The following MTMR7 variants were observed in gnomAD, a reference collection of about 807,000 sequenced individuals.
MTMR7 encodes phosphatidylinositol-3-phosphate phosphatase MTMR7.
In MTMR7, 76 loss-of-function variants were observed where a neutral mutation model predicts 81.2. The ratio of observed to expected loss-of-function variants is 0.94; its 90% CI spans 0.78 to 1.13. MTMR7 has a LOEUF of 1.13. Among genes scored for constraint, MTMR7 ranks in the 50% most tolerant of loss-of-function variants. The pLI is 0.00. For missense variants in MTMR7, 1,044 were observed against 820.0 expected (o/e 1.27, Z -3.34); for synonymous variants, 372 against 289.8 (o/e 1.28, Z -2.88).
intron 5 of MTMR7, 47 bp downstream of exon 5, chr8:17,348,906 A>T: frequency 6.2e-7 from 1 of 1,610,558 alleles, no homozygotes; most frequent in Non-Finnish European, 8.5e-7. Flanking sequence ...TGCTTATGAT[A>T]AACTAGAAAA....
intron 3 of MTMR7, among the ~76,000 whole-genome samples, chr8:17,368,654 C>CTA (rs1383897274): frequency 1.3e-5 from 2 of 152,180 alleles, no homozygotes; most frequent in Non-Finnish European, 2.9e-5. Flanking sequence ...AAGTTACAGC[C>CTA]TATAATATGC....
chr8:17,380,082 C>G (rs1226937611), intron 1 of MTMR7, among the ~76,000 whole-genome samples: 1 of 152,106 alleles, frequency 6.6e-6, no homozygotes, highest in Non-Finnish European at 1.5e-5. Context: ...AATTCAGCAG[C>G]AAATGATTAT....
chr8:17,400,968 T>A (rs1030374780), intron 1 of MTMR7, among the ~76,000 whole-genome samples: 2 of 152,166 alleles, frequency 1.3e-5, no homozygotes, highest in African/African-American at 4.8e-5. Context: ...TGGTCTTGCA[T>A]GGAGGCTTGG....
intron 7 of MTMR7, among the ~76,000 whole-genome samples, chr8:17,318,282 G>A (rs892833216): frequency 3.8e-4 from 58 of 152,232 alleles, no homozygotes; most frequent in African/African-American, 1.3e-3. Context: ...CCCAGCAGAC[G>A]TACACCAAAT....
At chr8:17,363,883 G>C (rs1820133505) in intron 3 of MTMR7, among the ~76,000 whole-genome samples, 2 of 147,180 alleles carry the variant, frequency 1.4e-5, no homozygotes, top group South Asian at 2.1e-4. Flanking sequence ...AGAATGTTTA[G>C]CAATTAGCTG....
chr8:17,409,793 G>C (rs1395228312), intron 1 of MTMR7, among the ~76,000 whole-genome samples: 3 of 152,176 alleles, frequency 2.0e-5, no homozygotes, highest in African/African-American at 7.2e-5. Flanking sequence ...TTTGAAACTA[G>C]AAAGATGAGG....
intron 13 of MTMR7, chr8:17,301,584 A>C (rs111736410): frequency 6.6e-6 from 1 of 152,450 alleles, no homozygotes; most frequent in African/African-American, 2.4e-5. Context: ...AAAGAGCCAG[A>C]CTGCTAGAAT....
Position 17,300,071 on chromosome 8 carries a change from G to A in MTMR7, c.1774C>T (p.Arg592Trp), listed in dbSNP as rs140365611. The A allele has an allele frequency of 4.3e-5, 70 of 1,613,976 alleles. No homozygotes were observed. Among genetic ancestry groups the A allele is most frequent in the Admixed American group, 2.0e-4 (12 of 59,986 alleles). Residue 592 changes from arginine to tryptophan, a missense_variant, in exon 14 of 14, where the codon CGG becomes TGG. By Grantham distance (101) the Arg-to-Trp change is moderately radical. Transcript: ENST00000180173. The stretch of plus-strand genomic sequence containing the variant: ...TCTTCATCGCCTTGTGAAGGGCTCC[G>A]GGATGGAAATGATTTCATATTCCCA... ...YSGNMKSFPS[R>W]SPSQGDEDSA...
At chr8:17,331,625 C>T (rs746408946) in intron 6 of MTMR7, among the ~76,000 whole-genome samples, 1 of 152,174 alleles carries the variant, frequency 6.6e-6, no homozygotes, top group Non-Finnish European at 1.5e-5. Flanking sequence ...AATTTAATAC[C>T]ACACATAACC....
intron 1 of MTMR7, among the ~76,000 whole-genome samples, chr8:17,399,018 G>A (rs1398553684): frequency 6.6e-6 from 1 of 152,044 alleles, no homozygotes; most frequent in African/African-American, 2.4e-5. Context: ...CTCACAGCTA[G>A]TATCATACTG....
intron 3 of MTMR7, 62 bp from the exon 4 acceptor site, chr8:17,361,336 C>T (rs1394888423): frequency 2.9e-5 from 46 of 1,586,854 alleles, no homozygotes; most frequent in Admixed American, 8.4e-5. Flanking sequence ...CAAATCTCCC[C>T]GAAAACATTC....
At chr8:17,368,358 T>G (rs966815447) in intron 3 of MTMR7, among the ~76,000 whole-genome samples, 2 of 152,122 alleles carry the variant, frequency 1.3e-5, no homozygotes, top group South Asian at 4.1e-4. Context: ...AACCTTACAG[T>G]TAGCTGGGTG....
rs1300563499 is a variant in MTMR7, at chr8:17,408,113, G to GATGAGCTCTTT, written c.24+5155_24+5156insAAAGAGCTCAT. On this transcript the variant is annotated intron_variant, in intron 1 of 13. Transcript: ENST00000180173. ...TCAGCAAGAACATCATGGAGAGGCC[G>GATGAGCTCTTT]GGCGCGGTGGCTCACGCCTGTAATC... Among the ~76,000 whole-genome samples, 29 of 122,702 alleles carry GATGAGCTCTTT rather than the reference G, an allele frequency of 2.4e-4. 1 individual carries two copies. Among genetic ancestry groups the GATGAGCTCTTT allele is most frequent in the South Asian group, 8.6e-4 (3 of 3,476 alleles). 80.5% of individuals were successfully genotyped at this position (122,702 alleles called of 152,430 possible). A position where few individuals can be genotyped will look rare whatever the true frequency, so the allele number is the denominator to read the frequency against.
chr8:17,376,442 T>C (rs1417544985), intron 1 of MTMR7, among the ~76,000 whole-genome samples: 1 of 152,222 alleles, frequency 6.6e-6, no homozygotes, highest in Admixed American at 6.5e-5. Context: ...TCATTTATCT[T>C]GGCTATACTT....
At chr8:17,381,137 T>C (rs1437111668) in intron 1 of MTMR7, among the ~76,000 whole-genome samples, 1 of 152,158 alleles carries the variant, frequency 6.6e-6, no homozygotes, top group Non-Finnish European at 1.5e-5. Context: ...ATAGATTCAA[T>C]GGAAAAGACT....
At position 17,331,189 on chromosome 8, in the gene MTMR7, T is replaced by A. The variant is rs368716256; in HGVS notation, c.826A>T (p.Ile276Phe). Residue 276 changes from isoleucine (I) to phenylalanine (F), a missense_variant, in exon 7 of 14, where the codon ATC becomes TTC. Ile to Phe is a conservative substitution (Grantham distance 21, BLOSUM62 0). Coordinates refer to ENST00000180173, the MANE Select transcript of MTMR7 (RefSeq NM_004686.5). ...TGCAGACTGTTCCTCATGACATGGA[T>A]GTTCTCTATCCCGATAAACTGAAAC... ...IKFQFIGIEN[I>F]HVMRNSLQKM... 1.2e-6 allele frequency: 2 copies of A among 1,612,962 alleles called. No homozygotes were observed. The highest frequency in any genetic ancestry group is 2.7e-5 in the African/African-American group (2 of 74,890).
At chr8:17,412,818 A>G (rs1340609880) in intron 1 of MTMR7, among the ~76,000 whole-genome samples, 2 of 152,160 alleles carry the variant, frequency 1.3e-5, no homozygotes, top group Non-Finnish European at 2.9e-5. Context: ...CTGACACCCT[A>G]GATTTAACAA....
intron 2 of MTMR7, among the ~76,000 whole-genome samples, chr8:17,371,441 C>A (rs2150565257): frequency 1.3e-5 from 2 of 152,324 alleles, no homozygotes; most frequent in South Asian, 4.1e-4. Context: ...TTGAAGTAAA[C>A]CATTCAGCAT....
intron 1 of MTMR7, among the ~76,000 whole-genome samples, chr8:17,381,296 G>C (rs781644969): frequency 2.0e-5 from 3 of 152,072 alleles, no homozygotes; most frequent in Non-Finnish European, 4.4e-5. Flanking sequence ...TTCCAGGTCT[G>C]AGGAGGCCAC....
Sources: gnomAD v4.1 joint callset for allele counts (sites outside exome capture counted in the v4.1 genomes callset) on GRCh38, gnomAD v4.1.1 for gene constraint, MANE v1.5 for transcripts, NCBI Gene and HGNC (gene_info 2026-07-23, HGNC 2026-07-21) for gene names.